GRID1: variants seen among roughly 807,000 people sequenced by gnomAD.
GRID1 encodes glutamate receptor ionotropic, delta-1.
Under a neutral mutation model 98.0 loss-of-function variants are expected in GRID1, and 28 were observed. That is an observed-to-expected ratio of 0.29 (90% confidence interval 0.21 to 0.39). GRID1 has a LOEUF of 0.39. Ranked by LOEUF, GRID1 falls within the 10% of genes least tolerant of loss-of-function variation. GRID1 has a pLI of 1.00. For synonymous variants in GRID1, 553 were observed against 538.5 expected (o/e 1.03, Z -0.37); for missense variants, 1,111 against 1,340.5 (o/e 0.83, Z 2.67).
At chr10:86,048,937 C>T (rs140428528) in intron 4 of GRID1, among the ~76,000 whole-genome samples, 2 of 152,286 alleles carry the variant, frequency 1.3e-5, no homozygotes, top group African/African-American at 4.8e-5. Context: ...GACCTGTCTC[C>T]CAGAATGAGT....
At chr10:85,677,860 A>G (rs943830727) in intron 12 of GRID1, among the ~76,000 whole-genome samples, 2 of 152,152 alleles carry the variant, frequency 1.3e-5, no homozygotes. Context: ...GACACGCTCC[A>G]TTTTGTAGCC....
intron 12 of GRID1, among the ~76,000 whole-genome samples, chr10:85,706,910 T>C (rs955636191): frequency 6.6e-6 from 1 of 152,222 alleles, no homozygotes; most frequent in Non-Finnish European, 1.5e-5. Flanking sequence ...GCTAGCCATA[T>C]GTAGAAAGCT....
At chr10:86,072,897 T>C (rs1326115506) in intron 4 of GRID1, among the ~76,000 whole-genome samples, 10 of 152,258 alleles carry the variant, frequency 6.6e-5, no homozygotes, top group East Asian at 5.8e-4. Context: ...GGAGGTGAGA[T>C]GAAATGCTTT....
At chr10:86,050,923 G>T (rs1473265371) in intron 4 of GRID1, among the ~76,000 whole-genome samples, 10 of 150,626 alleles carry the variant, frequency 6.6e-5, no homozygotes, top group Admixed American at 1.3e-4. Context: ...AATAGCTGGA[G>T]GTGCACAGAG....
At chr10:86,247,548 C>T (rs922988696) in intron 2 of GRID1, among the ~76,000 whole-genome samples, 6 of 152,146 alleles carry the variant, frequency 3.9e-5, no homozygotes, top group Admixed American at 6.5e-5. Context: ...AGCCCCATAA[C>T]GGTGAAAGTT....
rs1267973839 is a variant in GRID1 at position 86,155,512 on chromosome 10, C to A, written c.521-16488G>T. Reference sequence around the variant, plus strand: ...AGAAAGCATTTAGAGTTAATCCTACCATTCTGGAATAGCAATAAAACTTCC... The same window carrying A: ...AGAAAGCATTTAGAGTTAATCCTACAATTCTGGAATAGCAATAAAACTTCC... On this transcript the variant is annotated intron_variant, in intron 3 of 15. Transcript: ENST00000327946. Among the ~76,000 whole-genome samples, 7 of 152,296 alleles carry A rather than the reference C, an allele frequency of 4.6e-5. No individual in the cohort carries two copies. The East Asian group carries it at 1.2e-3, about 25-fold the overall frequency.
At chr10:86,045,298 G>A (rs1264095329) in intron 4 of GRID1, among the ~76,000 whole-genome samples, 1 of 152,182 alleles carries the variant, frequency 6.6e-6, no homozygotes, top group East Asian at 1.9e-4. Flanking sequence ...ATCTTCACTT[G>A]CAACCACTGC....
At chr10:85,646,462 C>T (rs1319284701) in intron 13 of GRID1, 1 of 152,326 alleles carries the variant, frequency 6.6e-6, no homozygotes, top group African/African-American at 2.4e-5. Flanking sequence ...ATGCCAGTTC[C>T]CCAGCTTGTA....
At chr10:85,707,206 C>CT (rs1223852670) in intron 12 of GRID1, among the ~76,000 whole-genome samples, 1 of 152,242 alleles carries the variant, frequency 6.6e-6, no homozygotes, top group East Asian at 1.9e-4. Context: ...CTTTTGCAAT[C>CT]TACTCATCTG....
chr10:85,952,040 A>G (rs1354256784), intron 4 of GRID1, among the ~76,000 whole-genome samples: 1 of 152,236 alleles, frequency 6.6e-6, no homozygotes, highest in African/African-American at 2.4e-5. Flanking sequence ...TCTAAGGAAC[A>G]CTATCCGAAG....
intron 4 of GRID1, among the ~76,000 whole-genome samples, chr10:86,030,669 T>C (rs1397835873): frequency 6.6e-6 from 1 of 152,186 alleles, no homozygotes; most frequent in Non-Finnish European, 1.5e-5. Context: ...GCAGTTAGGG[T>C]TACCACTCCA....
At chr10:86,264,247 G>A (rs145799147) in intron 2 of GRID1, among the ~76,000 whole-genome samples, 281 of 152,284 alleles carry the variant, frequency 1.8e-3, no homozygotes, top group Non-Finnish European at 3.0e-3. Context: ...CCACTCTGGA[G>A]CCTGGCCAGG....
chr10:85,927,983 A>G (rs935450418), intron 4 of GRID1, among the ~76,000 whole-genome samples: 1 of 152,242 alleles, frequency 6.6e-6, no homozygotes, highest in African/African-American at 2.4e-5. Context: ...GTTTAGAAAG[A>G]AAACATTGAT....
intron 2 of GRID1, among the ~76,000 whole-genome samples, chr10:86,326,362 C>A (rs1402431311): frequency 6.6e-6 from 1 of 152,174 alleles, no homozygotes; most frequent in Non-Finnish European, 1.5e-5. Flanking sequence ...TGTATAATTG[C>A]CAACAGTAGT....
chr10:86,027,392 T>C (rs1843129512), intron 4 of GRID1, among the ~76,000 whole-genome samples: 1 of 152,226 alleles, frequency 6.6e-6, no homozygotes, highest in South Asian at 2.1e-4. Context: ...AATAATGTGT[T>C]CAAGTTTTAT....
chr10:86,282,025 GTCA>G (rs1847364414), intron 2 of GRID1, among the ~76,000 whole-genome samples: 2 of 152,208 alleles, frequency 1.3e-5, no homozygotes, highest in Admixed American at 1.3e-4. Flanking sequence ...CTGGCATCCA[GTCA>G]TCTGGGTTTG....
intron 13 of GRID1, 37 bp downstream of exon 13, chr10:85,647,165 T>C (rs981306047): frequency 3.2e-6 from 5 of 1,568,928 alleles, no homozygotes; most frequent in Non-Finnish European, 4.4e-6. Flanking sequence ...CGTGGCCCTG[T>C]TACAGTGCAC....
At chr10:86,308,810 G>A (rs1472553765) in intron 2 of GRID1, among the ~76,000 whole-genome samples, 7 of 152,112 alleles carry the variant, frequency 4.6e-5, no homozygotes, top group Admixed American at 3.3e-4. Flanking sequence ...GAGAGCACGA[G>A]AGAGCACGAG....
intron 4 of GRID1, among the ~76,000 whole-genome samples, chr10:86,080,944 T>C: frequency 6.6e-6 from 1 of 151,950 alleles, no homozygotes; most frequent in Non-Finnish European, 1.5e-5. Context: ...CTGCTCTGAG[T>C]GCAAGCAAAA....
Sources: allele counts gnomAD v4.1 joint callset (sites outside exome capture counted in the v4.1 genomes callset), GRCh38; gene constraint gnomAD v4.1.1; transcripts MANE v1.5; gene names NCBI Gene and HGNC (gene_info 2026-07-23, HGNC 2026-07-21).